Variants in ANK2 observed in about 807,000 individuals in gnomAD.
ANK2 encodes the protein ankyrin-2.
In ANK2, 83 loss-of-function variants were observed where a neutral mutation model predicts 360.5. The ratio of observed to expected loss-of-function variants is 0.23; its 90% CI spans 0.19 to 0.28. The LOEUF is 0.28. Among genes scored for constraint, ANK2 ranks in the 10% least tolerant of loss-of-function variants. The pLI is 1.00. For synonymous variants in ANK2, 1,740 were observed against 1,759.5 expected (o/e 0.99, Z 0.28); for missense variants, 4,201 against 4,795.7 (o/e 0.88, Z 3.66).
intron 1 of ANK2, among the ~76,000 whole-genome samples, chr4:113,146,903 T>A (rs889953261): frequency 1.3e-5 from 2 of 152,332 alleles, no homozygotes; most frequent in Admixed American, 6.5e-5. Flanking sequence ...GTTATGTACT[T>A]GCCTGATATT....
rs117676974 is a variant in ANK2, at chr4:112,908,103, A to G, written c.21+3589A>G. Among the ~76,000 whole-genome samples the G allele has an allele frequency of 4.1e-4, 62 of 152,326 alleles. 2 individuals carry two copies. In the East Asian group the frequency reaches 0.011, roughly 26 times the overall value. ...AAGTTTTCAAGAAAACCATACTTTT[A>G]TGTTGGAAAGCAAAGTATTGATAAG... On this transcript the variant is annotated intron_variant, in intron 2 of 30. Coordinates refer to the ANK2 transcript ENST00000503271.
chr4:112,795,585 C>T, the ANK2 span, among the ~76,000 whole-genome samples: 1 of 152,220 alleles, frequency 6.6e-6, no homozygotes, highest in South Asian at 2.1e-4. Flanking sequence ...CCCACTGCAA[C>T]CTCTGCCTCC....
intron 2 of ANK2, among the ~76,000 whole-genome samples, chr4:112,961,336 T>C (rs1474102219): frequency 6.6e-6 from 1 of 152,176 alleles, no homozygotes; most frequent in South Asian, 2.1e-4. Flanking sequence ...GTATTTTTTT[T>C]AGTTATGTGT....
At chr4:113,187,628 CA>C (rs2098554377) in intron 2 of ANK2, among the ~76,000 whole-genome samples, 1 of 152,122 alleles carries the variant, frequency 6.6e-6, no homozygotes, top group South Asian at 2.1e-4. Context: ...ACAGAGTATA[CA>C]AATATAAACA....
chr4:112,940,959 A>G (rs2094161774), intron 2 of ANK2, among the ~76,000 whole-genome samples: 1 of 152,046 alleles, frequency 6.6e-6, no homozygotes, highest in Non-Finnish European at 1.5e-5. Context: ...GAAAGGGACA[A>G]ATACTTTCAA....
intron 2 of ANK2, among the ~76,000 whole-genome samples, chr4:113,000,321 G>A (rs2050162922): frequency 6.6e-6 from 1 of 152,198 alleles, no homozygotes; most frequent in Non-Finnish European, 1.5e-5. Context: ...CTTCATTCAC[G>A]AAGGGAAATT....
At chr4:113,342,176 T>C (rs777475298) in intron 33 of ANK2, among the ~76,000 whole-genome samples, 6 of 152,218 alleles carry the variant, frequency 3.9e-5, no homozygotes, top group South Asian at 2.1e-4. Context: ...GAGTTATTGA[T>C]AAACTCAAAG....
chr4:113,133,018 CA>C (rs2096157687), intron 1 of ANK2, among the ~76,000 whole-genome samples: 1 of 152,070 alleles, frequency 6.6e-6, no homozygotes, highest in Admixed American at 6.5e-5. Context: ...TCATCCAGGC[CA>C]AATTCAGAAG....
At chr4:113,325,217 G>A (rs2089127776) in intron 26 of ANK2, among the ~76,000 whole-genome samples, 1 of 152,120 alleles carries the variant, frequency 6.6e-6, no homozygotes, top group African/African-American at 2.4e-5. Flanking sequence ...TGCAGTGTGT[G>A]TACACATTTT....
At chr4:112,826,440 T>G in intron 1 of ANK2, 1 of 1,056,864 alleles carries the variant, frequency 9.5e-7, no homozygotes, top group Non-Finnish European at 1.4e-6. Flanking sequence ...TTTTGAAGAA[T>G]CTTCAGGTGC....
rs1377781580 is a variant in ANK2 at position 113,382,362 on chromosome 4, G to C, written c.*891G>C. 2 of 153,034 alleles carry C rather than the reference G, an allele frequency of 1.3e-5. No homozygotes were observed. Among genetic ancestry groups the C allele is most frequent in the Non-Finnish European group, 2.9e-5 (2 of 68,328 alleles). The allele number at this position is 153,034 out of a possible 1,614,324, so 9.5% of individuals were successfully genotyped here. Reference sequence around the variant, plus strand: ...GGGAGAAGGGAGCAGAGGCCACGCAGAATGAACCGATGGGGTATTCAGTTG... The same window carrying C: ...GGGAGAAGGGAGCAGAGGCCACGCACAATGAACCGATGGGGTATTCAGTTG... On this transcript the variant is annotated 3_prime_UTR_variant, in exon 46 of 46. Coordinates refer to ENST00000357077, the MANE Select transcript of ANK2 (RefSeq NM_001148.6).
At chr4:113,054,447 A>C (rs980806307) in intron 1 of ANK2, among the ~76,000 whole-genome samples, 2 of 152,216 alleles carry the variant, frequency 1.3e-5, no homozygotes, top group Admixed American at 6.5e-5. Flanking sequence ...AATGAGGTAC[A>C]TATTAAAAGG....
intron 36 of ANK2, among the ~76,000 whole-genome samples, chr4:113,348,512 T>C (rs973962464): frequency 6.6e-6 from 1 of 152,146 alleles, no homozygotes; most frequent in African/African-American, 2.4e-5. Context: ...CCCTGTAAAT[T>C]GTTGCCATGT....
chr4:112,756,143 C>T, the ANK2 span, among the ~76,000 whole-genome samples: 1 of 151,424 alleles, frequency 6.6e-6, no homozygotes, highest in Non-Finnish European at 1.5e-5. Flanking sequence ...GGAGCTGAGG[C>T]AGGAGAATGG....
chr4:112,993,334 G>A (rs997923815), intron 2 of ANK2, among the ~76,000 whole-genome samples: 1 of 152,084 alleles, frequency 6.6e-6, no homozygotes, highest in Middle Eastern at 3.4e-3. Flanking sequence ...ACAGAGTCTC[G>A]CTCTGTCACC....
intron 1 of ANK2, among the ~76,000 whole-genome samples, chr4:113,098,223 C>G (rs1399900919): frequency 6.6e-6 from 1 of 151,504 alleles, no homozygotes; most frequent in African/African-American, 2.4e-5. Context: ...ACAGCAGATA[C>G]AAATGAAATT....
At chr4:112,894,414 C>T (rs2081130056) in intron 1 of ANK2, among the ~76,000 whole-genome samples, 1 of 152,068 alleles carries the variant, frequency 6.6e-6, no homozygotes, top group African/African-American at 2.4e-5. Flanking sequence ...ATGTAGTATA[C>T]ATACATATAT....
chr4:113,145,461 T>G (rs1301061027), intron 1 of ANK2, among the ~76,000 whole-genome samples: 2 of 152,204 alleles, frequency 1.3e-5, no homozygotes, highest in African/African-American at 2.4e-5. Flanking sequence ...AATTCTCATA[T>G]GTAGAGACAT....
chr4:112,714,869 G>T, the ANK2 span, among the ~76,000 whole-genome samples: 1 of 152,188 alleles, frequency 6.6e-6, no homozygotes, highest in South Asian at 2.1e-4. Context: ...GACACGTATA[G>T]CCTTGAGTTC....
Sources: allele counts gnomAD v4.1 joint callset (sites outside exome capture counted in the v4.1 genomes callset), GRCh38; gene constraint gnomAD v4.1.1; transcripts MANE v1.5; gene names NCBI Gene and HGNC (gene_info 2026-07-23, HGNC 2026-07-21).